Variants in SRPRA observed in about 807,000 individuals in gnomAD.
SRPRA encodes the protein signal recognition particle receptor subunit alpha.
A neutral mutation model predicts 61.1 loss-of-function variants in SRPRA; 30 were observed. The observed-to-expected ratio is 0.49, with a 90% CI of 0.37 to 0.67. The LOEUF (loss-of-function observed/expected upper bound fraction) is 0.67, where lower values mean the gene tolerates loss of function less well. Ranked by LOEUF, SRPRA falls within the 30% of genes least tolerant of loss-of-function variation. The pLI, the probability that SRPRA is intolerant of heterozygous loss-of-function variation, is 0.00. For synonymous variants in SRPRA, 324 were observed against 299.7 expected (o/e 1.08, Z -0.84); for missense variants, 759 against 828.4 (o/e 0.92, Z 1.03).
chr11:126,259,233 ATTTTGTT>A (rs1447268733), downstream of SRPRA, among the ~76,000 whole-genome samples: 4 of 152,056 alleles, frequency 2.6e-5, no homozygotes, highest in Non-Finnish European at 2.9e-5. Context: ...TTTTGCTGTT[ATTTTGTT>A]TTTTAACACT....
chr11:126,254,997 C>G, the SRPRA span, among the ~76,000 whole-genome samples: 1 of 152,164 alleles, frequency 6.6e-6, no homozygotes, highest in Non-Finnish European at 1.5e-5. Flanking sequence ...GCATCATCTT[C>G]ACATACAAAG....
chr11:126,267,825 C>A lies in SRPRA; in HGVS notation c.202-113G>T. 1 of 1,501,478 alleles carries A rather than the reference C, an allele frequency of 6.7e-7. No homozygotes were observed. Among genetic ancestry groups the A allele is most frequent in the African/African-American group, 1.4e-5 (1 of 72,636 alleles). 93.0% of individuals were successfully genotyped at this position (1,501,478 alleles called of 1,614,324 possible). ...AGGTTCAGCTACCTGGCCGGTTTCC[C>A]TGTCCTGAGAGGCAGCCAAGCTCCC... is the stretch of plus-strand genomic sequence containing the variant. On this transcript the variant is annotated intron_variant, in intron 2 of 13. Transcript: ENST00000332118. This position sits in a 1 kb window ranked among gnomAD's most constrained non-coding sequence, Gnocchi z 4.2.
At chr11:126,262,434 T>C (rs1478294110), downstream of SRPRA, 1 of 405,244 alleles carries the variant, frequency 2.5e-6, no homozygotes, top group Non-Finnish European at 4.4e-6. Context: ...AATGTGATAC[T>C]TCCACTGACC....
At chr11:126,250,417 T>G in the SRPRA span, 2 of 866,374 alleles carry the variant, frequency 2.3e-6, no homozygotes, top group Non-Finnish European at 3.7e-6. This position sits in a 1 kb window ranked among gnomAD's most constrained non-coding sequence, Gnocchi z 5.1. Flanking sequence ...ATTCAAAATA[T>G]TCTTCCAAAA....
At chr11:126,246,306 A>C in the SRPRA span, among the ~76,000 whole-genome samples, 1 of 152,220 alleles carries the variant, frequency 6.6e-6, no homozygotes. Flanking sequence ...GTACTATGGC[A>C]GGGTTAACAG....
downstream of SRPRA, chr11:126,262,316 G>C: frequency 2.1e-6 from 1 of 477,046 alleles, no homozygotes; most frequent in East Asian, 4.2e-5. Context: ...CCTGGTTCTT[G>C]ATATTCTGCC....
downstream of SRPRA, chr11:126,262,098 T>TCTCTTTTCTTTCTCCCTACAGGCTGTA: frequency 6.2e-7 from 1 of 1,613,964 alleles, no homozygotes; most frequent in Non-Finnish European, 8.5e-7. Context: ...TTCATTTTGT[T>TCTCTTTTCTTTCTCCCTACAGGCTGTA]CTCTTTTCTT....
downstream of SRPRA, among the ~76,000 whole-genome samples, chr11:126,259,559 G>A (rs1950640833): frequency 6.6e-6 from 1 of 151,578 alleles, no homozygotes; most frequent in Non-Finnish European, 1.5e-5. Context: ...CTGAGTGGCT[G>A]GAACTATAGG....
the SRPRA span, among the ~76,000 whole-genome samples, chr11:126,239,441 A>T: frequency 6.6e-6 from 1 of 152,134 alleles, no homozygotes; most frequent in Admixed American, 6.5e-5. Context: ...ATATTTGTTT[A>T]TGTGGATTTG....
At chr11:126,266,371 T>C (rs1950810848) in intron 6 of SRPRA, 93 bp from the exon 7 acceptor site, 1 of 1,591,488 alleles carries the variant, frequency 6.3e-7, no homozygotes, top group East Asian at 2.2e-5. Flanking sequence ...TTTGGGAAGC[T>C]CCAAGTATAA....
At chr11:126,244,342 G>A in the SRPRA span, among the ~76,000 whole-genome samples, 2 of 152,282 alleles carry the variant, frequency 1.3e-5, no homozygotes. The surrounding 1 kb of genome is among the most constrained non-coding windows in gnomAD (Gnocchi z 4.5). Flanking sequence ...AAGATCCTAG[G>A]TTATCCTCTA....
chr11:126,237,564 C>T, the SRPRA span, among the ~76,000 whole-genome samples: 6 of 137,686 alleles, frequency 4.4e-5, no homozygotes, highest in African/African-American at 1.0e-4. Flanking sequence ...AGGCCAGGCT[C>T]GGTGGCTCAC....
At position 126,264,878 on chromosome 11, in the gene SRPRA, C is replaced by G; in HGVS notation, c.1525+81G>C. The G allele has an allele frequency of 7.5e-7, 1 of 1,341,558 alleles. No individual in the cohort carries two copies. Among genetic ancestry groups the G allele is most frequent in the Non-Finnish European group, 1.0e-6 (1 of 980,732 alleles). 83.1% of individuals were successfully genotyped at this position (1,341,558 alleles called of 1,614,324 possible). A position where few individuals can be genotyped will look rare whatever the true frequency, so the allele number is the denominator to read the frequency against. On this transcript the variant is annotated intron_variant, in intron 11 of 13. Transcript: ENST00000332118. The surrounding 1 kb of genome is among the most constrained non-coding windows in gnomAD (Gnocchi z 5.0). ...ACCAACGAGTCTGTAGTAGCACAAG[C>G]CTGATCTTCTGCAAATTCCAAGAGA... is the stretch of plus-strand genomic sequence containing the variant.
Position 126,267,560 on chromosome 11 carries a change from C to T in SRPRA, c.354G>A (p.Leu118=), listed in dbSNP as rs1270132160. Residue 118 remains leucine (L), a synonymous_variant, in exon 3 of 14, where the codon CTG becomes CTA. Transcript: ENST00000332118. This position sits in a 1 kb window ranked among gnomAD's most constrained non-coding sequence, Gnocchi z 4.2. Reference sequence around the variant, plus strand: ...GGCAGGTCTCTCACCGAAGGAGCCGCAGGAAGTCATTTTGGAAATCAAAAG... The same window carrying T: ...GGCAGGTCTCTCACCGAAGGAGCCGTAGGAAGTCATTTTGGAAATCAAAAG... ...NGTFDFQNDF[L]RLLREAEESS... is the part of the protein sequence containing the mutation. 6.2e-7 allele frequency: 1 copy of T among 1,614,010 alleles called. No individual in the cohort carries two copies. The highest frequency in any genetic ancestry group is 8.5e-7 in the Non-Finnish European group (1 of 1,180,026).
the SRPRA span, among the ~76,000 whole-genome samples, chr11:126,252,420 CAGTT>C: frequency 2.6e-4 from 40 of 152,148 alleles, no homozygotes; most frequent in African/African-American, 8.7e-4. This position sits in a 1 kb window ranked among gnomAD's most constrained non-coding sequence, Gnocchi z 4.7. Flanking sequence ...TCAAATATGA[CAGTT>C]AGGTGCTTGG....
At chr11:126,247,873 A>G in the SRPRA span, among the ~76,000 whole-genome samples, 1 of 145,780 alleles carries the variant, frequency 6.9e-6, no homozygotes, top group Non-Finnish European at 1.5e-5. Flanking sequence ...AAAAATATAT[A>G]TATATATCTA....
downstream of SRPRA, chr11:126,261,284 T>C (rs1950692432): frequency 1.2e-5 from 8 of 656,216 alleles, no homozygotes; most frequent in East Asian, 1.1e-4. Context: ...TGCCTCCTTA[T>C]CTTCTCAATG....
chr11:126,261,422 T>C, downstream of SRPRA: 1 of 1,613,738 alleles, frequency 6.2e-7, no homozygotes, highest in Non-Finnish European at 8.5e-7. Flanking sequence ...GTCCTCTATT[T>C]AGCAGGGATG....
Position 126,266,046 on chromosome 11 carries a change from A to C in SRPRA, c.968T>G (p.Met323Arg). ...TKGTLGGMFG[M>R]LKGLVGSKSL... is the part of the protein sequence containing the mutation. ...CTTTGAACCCACAAGGCCCTTCAGC[A>C]TACCAAACATGCCACCCAGTGTTCC... The change falls in exon 8 of 14, where the codon ATG (methionine) becomes AGG (arginine). Residue 323 changes from methionine to arginine, a missense_variant. Coordinates refer to ENST00000332118, the MANE Select transcript of SRPRA (RefSeq NM_003139.4). 6.2e-7 allele frequency: 1 copy of C among 1,614,214 alleles called. No individual in the cohort carries two copies. The highest frequency in any genetic ancestry group is 8.5e-7 in the Non-Finnish European group (1 of 1,180,042).
Sources: allele counts gnomAD v4.1 joint callset (sites outside exome capture counted in the v4.1 genomes callset), GRCh38; gene constraint gnomAD v4.1.1; non-coding constraint Gnocchi (gnomAD v3.1); transcripts MANE v1.5; gene names NCBI Gene and HGNC (gene_info 2026-07-23, HGNC 2026-07-21).